The following USE1 variants were observed in gnomAD, a reference collection of about 807,000 sequenced individuals.
The protein encoded by USE1 is unconventional SNARE in the ER 1, also known as vesicle transport protein USE1.
A neutral mutation model predicts 37.6 loss-of-function variants in USE1; 32 were observed. The observed-to-expected ratio is 0.85, with a 90% CI of 0.64 to 1.14. USE1 has a LOEUF of 1.14. Ranked by LOEUF, USE1 falls within the 50% of genes most tolerant of loss-of-function variation. The pLI, the probability that USE1 is intolerant of heterozygous loss-of-function variation, is 0.00. For synonymous variants in USE1, 149 were observed against 137.6 expected, an observed-to-expected ratio of 1.08 and a Z score of -0.58; for missense variants, 310 against 332.2, an observed-to-expected ratio of 0.93 and a Z score of 0.52.
In USE1 at chr19:17,215,441, G is replaced by A; in HGVS notation, c.36G>A (p.Arg12=). The part of the protein sequence containing the change: ...AASRLELNLV[R]LLSRCEAMAA... ...CGAGGCTGGAGCTAAACCTGGTGCG[G>A]CTGCTATCCCGCTGCGAGGCGATGG... Residue 12 remains arginine (R), a synonymous_variant, in exon 1 of 8, where the codon CGG becomes CGA. Transcript: ENST00000263897. The A allele has an allele frequency of 6.4e-7, 1 of 1,563,076 alleles. No homozygotes were observed. Among genetic ancestry groups the A allele is most frequent in the Non-Finnish European group, 8.7e-7 (1 of 1,155,340 alleles).
intron 4 of USE1, among the ~76,000 whole-genome samples, chr19:17,217,112 A>AG (rs2073295281): frequency 6.7e-6 from 1 of 149,626 alleles, no homozygotes; most frequent in South Asian, 2.1e-4. Flanking sequence ...GAACAAGACA[A>AG]GGGGGGTGAC....
intron 2 of USE1, 44 bp from the exon 3 acceptor site, chr19:17,215,948 G>A: frequency 6.3e-7 from 1 of 1,582,760 alleles, no homozygotes; most frequent in East Asian, 2.3e-5. Flanking sequence ...TCCCTGAGCT[G>A]GGGACCATGG....
intron 2 of USE1, 61 bp downstream of exon 2, chr19:17,215,912 A>G: frequency 6.3e-7 from 1 of 1,586,848 alleles, no homozygotes; most frequent in Non-Finnish European, 8.6e-7. Flanking sequence ...TGGACATCCC[A>G]GTACCGCTAT....
chr19:17,219,617 C>T lies in USE1; in HGVS notation c.598-14C>T. The T allele has an allele frequency of 6.3e-7, 1 of 1,586,740 alleles. No individual in the cohort carries two copies. On this transcript the variant is annotated splice_polypyrimidine_tract_variant and intron_variant, in intron 7 of 7. Coordinates refer to ENST00000263897, the MANE Select transcript of USE1 (RefSeq NM_018467.4). Reference sequence around the variant, plus strand: ...GCCCCAGTCCTGTTGACACCTTTTCCACCTCCCCCACAGACCCTGTCACAC... The same window carrying T: ...GCCCCAGTCCTGTTGACACCTTTTCTACCTCCCCCACAGACCCTGTCACAC...
At chr19:17,217,576 G>A in intron 5 of USE1, 114 bp downstream of exon 5, 1 of 1,445,446 alleles carries the variant, frequency 6.9e-7, no homozygotes, top group Middle Eastern at 1.8e-4. Context: ...TCCAACAGGA[G>A]CATCACCAAA....
At position 17,215,435 on chromosome 19, in the gene USE1, G is replaced by A; in HGVS notation, c.30G>A (p.Leu10=). Residue 10 remains leucine, a synonymous_variant, in exon 1 of 8, where the codon CTG becomes CTA. Transcript: ENST00000263897. MAASRLELN[L]VRLLSRCEAM... Reference sequence around the variant, plus strand: ...CGGCGTCGAGGCTGGAGCTAAACCTGGTGCGGCTGCTATCCCGCTGCGAGG... The same window carrying A: ...CGGCGTCGAGGCTGGAGCTAAACCTAGTGCGGCTGCTATCCCGCTGCGAGG... 1 of 1,562,442 alleles carries A rather than the reference G, an allele frequency of 6.4e-7. No homozygotes were observed. The highest frequency in any genetic ancestry group is 8.7e-7 in the Non-Finnish European group (1 of 1,154,926).
intron 4 of USE1, 64 bp downstream of exon 4, chr19:17,216,385 G>A (rs779292704): frequency 7.7e-5 from 121 of 1,576,866 alleles, no homozygotes; most frequent in Non-Finnish European, 1.0e-4. Context: ...ATGCTTGTAG[G>A]CAGCCAGAAC....
At chr19:17,217,393 C>T in intron 4 of USE1, 60 bp from the exon 5 acceptor site, 5 of 1,597,224 alleles carry the variant, frequency 3.1e-6, no homozygotes, top group Non-Finnish European at 4.3e-6. Context: ...ACCTTGGCCT[C>T]CCAAAGTGCT....
In USE1 at chr19:17,216,234, C is replaced by T. The variant is rs114729539; in HGVS notation, c.297C>T (p.Ala99=). 1.6e-3 allele frequency: 2,563 copies of T among 1,612,858 alleles called. 22 individuals are homozygous for T. In the African/African-American group the frequency reaches 0.028, roughly 18 times the overall value. Residue 99 remains alanine, a synonymous_variant, in exon 4 of 8, where the codon GCC becomes GCT. Transcript: ENST00000263897. ...CCCCTGGCCGTGTGCCAACCACAGC[C>T]AGAGAGCGAGTGCCCGCCACAAAGA... The part of the protein sequence containing the change: ...FLAPGRVPTT[A]RERVPATKTV...
chr19:17,218,497 A>AAACCAACC lies in USE1; in HGVS notation c.422+108_422+115dup, dbSNP rs565374391. 6.2e-5 allele frequency: 90 copies of AAACCAACC among 1,457,674 alleles called. No individual in the cohort carries two copies. The East Asian group carries it at 1.7e-3, about 28-fold the overall frequency. The allele number at this position is 1,457,674 out of a possible 1,614,324, so 90.3% of individuals were successfully genotyped here. A position where few individuals can be genotyped will look rare whatever the true frequency, so the allele number is the denominator to read the frequency against. ...CACCGAGGCACTACCACAAGGATCT[A>AAACCAACC]AACCAACCAGAAGCCACTTCTGTGG... On this transcript the variant is annotated intron_variant, in intron 6 of 7. Coordinates refer to ENST00000263897, the MANE Select transcript of USE1 (RefSeq NM_018467.4).
Position 17,217,477 on chromosome 19 carries a change from A to T in USE1, c.394+15A>T, listed in dbSNP as rs1432015542. 1.9e-6 allele frequency: 3 copies of T among 1,611,052 alleles called. No individual in the cohort carries two copies. In the Admixed American group the frequency reaches 5.0e-5, roughly 27 times the overall value. On this transcript the variant is annotated intron_variant, in intron 5 of 7. Transcript: ENST00000263897. The stretch of plus-strand genomic sequence containing the variant: ...GGACTCTGCAGGTGAGTCACCATGA[A>T]CACAACAGGACTTGAGGGCCAGCTG...
Position 17,215,810 on chromosome 19 carries a change from A to C in USE1, c.111A>C (p.Gly37=), listed in dbSNP as rs1379221117. 1 of 1,594,338 alleles carries C rather than the reference A, an allele frequency of 6.3e-7. No individual in the cohort carries two copies. Among genetic ancestry groups the C allele is most frequent in the South Asian group, 1.1e-5 (1 of 90,032 alleles). ...CCACTTTTCCTCCCCAGTACGTGGG[A>C]GCCCTAGAGGACATGTTGCAGGCCC... is the stretch of plus-strand genomic sequence containing the variant. ...PDEWRLEKYV[G]ALEDMLQALK... Residue 37 remains glycine, a synonymous_variant, in exon 2 of 8, where the codon GGA becomes GGC. Coordinates refer to ENST00000263897, the MANE Select transcript of USE1 (RefSeq NM_018467.4).
Position 17,215,977 on chromosome 19 carries a change from C to A in USE1, c.153-15C>A. The A allele has an allele frequency of 6.3e-7, 1 of 1,594,124 alleles. No individual in the cohort carries two copies. Among genetic ancestry groups the A allele is most frequent in the East Asian group, 2.3e-5 (1 of 44,116 alleles). ...ACCATGGACAGGTTTTGTTTTTCTT[C>A]TTCCTGCCTTCCAGCAAACCGGCCT... On this transcript the variant is annotated splice_polypyrimidine_tract_variant and intron_variant, in intron 2 of 7. Transcript: ENST00000263897.
intron 1 of USE1, 90 bp from the exon 2 acceptor site, chr19:17,215,686 CACTGGCCCCGCCTCCTTTACGCTTGA>C: frequency 9.2e-7 from 1 of 1,088,172 alleles, no homozygotes; most frequent in South Asian, 1.6e-5. Flanking sequence ...GCCCCTCCCC[CACTGGCCCCGCCTCCTTTACGCTTGA>C]CCCCTCCCAT....
Position 17,216,181 on chromosome 19 carries a change from G to C in USE1, c.244G>C (p.Glu82Gln), listed in dbSNP as rs1461424176. Residue 82 changes from glutamate to glutamine, a missense_variant, in exon 4 of 8, where the codon GAG (glutamate) becomes CAG (glutamine). Glu to Gln is a conservative substitution (Grantham distance 29, BLOSUM62 2). Transcript: ENST00000263897. Reference sequence around the variant, plus strand: ...CACATTTCTGCAGACCTCCTCCTCAGAGAAAGCACTGGCCAACCAGTTCCT... The same window carrying C: ...CACATTTCTGCAGACCTCCTCCTCACAGAAAGCACTGGCCAACCAGTTCCT... ...LQAEKLTSSS[E>Q]KALANQFLAP... is the part of the protein sequence containing the mutation. 6.2e-7 allele frequency: 1 copy of C among 1,612,600 alleles called. No individual in the cohort carries two copies. Among genetic ancestry groups the C allele is most frequent in the Non-Finnish European group, 8.5e-7 (1 of 1,179,470 alleles).
Position 17,217,627 on chromosome 19 carries a change from G to A in USE1, c.394+165G>A, listed in dbSNP as rs556538269. On this transcript the variant is annotated intron_variant, in intron 5 of 7. Transcript: ENST00000263897. The stretch of plus-strand genomic sequence containing the variant: ...GAGCCAGGACAGAGGAAATGGCCCC[G>A]AGAGGAAACAAAGCTAGGCACAGTG... 156 of 1,062,460 alleles carry A rather than the reference G, an allele frequency of 1.5e-4. 1 individual carries two copies. Among genetic ancestry groups the A allele is most frequent in the East Asian group, 5.7e-5 (2 of 34,824 alleles). 65.8% of individuals were successfully genotyped at this position (1,062,460 alleles called of 1,614,324 possible).
chr19:17,215,774 C>A, intron 1 of USE1, 28 bp from the exon 2 acceptor site: 2 of 1,601,196 alleles, frequency 1.2e-6, no homozygotes, highest in South Asian at 1.1e-5. Context: ...GAAAGACCCC[C>A]GGGTGACAAT....
chr19:17,216,901 C>T (rs923017566), intron 4 of USE1, among the ~76,000 whole-genome samples: 6 of 151,918 alleles, frequency 3.9e-5, no homozygotes, highest in Non-Finnish European at 8.8e-5. Flanking sequence ...TCGCTTGAAC[C>T]CAGGAGGCAG....
chr19:17,219,476 G>A (rs1008683805), intron 7 of USE1, 89 bp downstream of exon 7: 24 of 1,450,116 alleles, frequency 1.7e-5, no homozygotes, highest in East Asian at 5.0e-5. Flanking sequence ...GGGGCTTTGC[G>A]GGATGAATAG....
Sources: allele counts gnomAD v4.1 joint callset (sites outside exome capture counted in the v4.1 genomes callset), GRCh38; gene constraint gnomAD v4.1.1; transcripts MANE v1.5; gene names NCBI Gene and HGNC (gene_info 2026-07-23, HGNC 2026-07-21).